CDON: variants seen among roughly 807,000 people sequenced by gnomAD.
The protein encoded by CDON is cell adhesion associated, oncogene regulated.
Under a neutral mutation model 120.9 loss-of-function variants are expected in CDON, and 73 were observed. That is an observed-to-expected ratio of 0.60 (90% CI 0.50 to 0.73). The LOEUF (loss-of-function observed/expected upper bound fraction) is 0.73, where lower values mean the gene tolerates loss of function less well. Ranked by LOEUF, CDON falls within the 30% of genes least tolerant of loss-of-function variation. The probability of loss-of-function intolerance (pLI) is 0.00; values close to 1 mark genes in which losing one functional copy is unlikely to be tolerated. For synonymous variants in CDON, 566 were observed against 573.5 expected (o/e 0.99, Z 0.19); for missense variants, 1,470 against 1,587.3 (o/e 0.93, Z 1.26).
intron 1 of CDON, among the ~76,000 whole-genome samples, chr11:126,025,382 G>A (rs1565538192): frequency 2.6e-5 from 4 of 152,088 alleles, no homozygotes; most frequent in South Asian, 4.1e-4. Context: ...AGACAAAAGC[G>A]TGATGGTAGT....
intron 1 of CDON, among the ~76,000 whole-genome samples, chr11:126,058,872 A>G (rs1206292757): frequency 6.6e-6 from 1 of 152,256 alleles, no homozygotes; most frequent in African/African-American, 2.4e-5. Context: ...CAAAGATTTT[A>G]CAGAATGTTT....
At chr11:125,968,500 T>C (rs949066091) in intron 18 of CDON, among the ~76,000 whole-genome samples, 1 of 152,140 alleles carries the variant, frequency 6.6e-6, no homozygotes, top group African/African-American at 2.4e-5. Context: ...GACACAGGTT[T>C]TATGGGGAGC....
At chr11:125,996,161 A>AACACAC (rs35536827) in intron 12 of CDON, among the ~76,000 whole-genome samples, 28 of 146,044 alleles carry the variant, frequency 1.9e-4, no homozygotes, top group South Asian at 4.5e-4. Flanking sequence ...GTCACAGCAA[A>AACACAC]ACACACACAC....
chr11:125,993,253 T>C lies in CDON; in HGVS notation c.2650+1031A>G, dbSNP rs558889341. The stretch of plus-strand genomic sequence containing the variant: ...AATTCAATACTGGCCACCTCACCAC[T>C]GTAGGGGCTGGACATAGCAGTGGGA... On this transcript the variant is annotated intron_variant, in intron 14 of 19. Coordinates refer to ENST00000531738, the MANE Select transcript of CDON (RefSeq NM_001378964.1). 1.9e-3 allele frequency among the ~76,000 whole-genome samples: 283 copies of C among 152,244 alleles called. 2 individuals are homozygous for C. The highest frequency in any genetic ancestry group is 4.0e-4 in the Non-Finnish European group (27 of 68,024).
rs148521488 is a variant in CDON, at chr11:126,019,334, C to T, written c.496+285G>A. Among the ~76,000 whole-genome samples the T allele has an allele frequency of 1.5e-3, 231 of 152,036 alleles. 2 individuals carry two copies. Among genetic ancestry groups the T allele is most frequent in the African/African-American group, 5.1e-3 (210 of 41,466 alleles). ...ATCAATTCTATAAAGAAAAGCAAAACGAAATAAAGGGGCCAGAGAGCACCA... is the reference window on the plus strand; with the variant it reads ...ATCAATTCTATAAAGAAAAGCAAAATGAAATAAAGGGGCCAGAGAGCACCA... On this transcript the variant is annotated intron_variant, in intron 4 of 19. Transcript: ENST00000531738.
At chr11:126,021,017 G>A (rs1049692893) in intron 3 of CDON, among the ~76,000 whole-genome samples, 14 of 151,534 alleles carry the variant, frequency 9.2e-5, no homozygotes, top group Admixed American at 4.6e-4. Context: ...TCCTAACTGC[G>A]TAACTTTAAA....
chr11:126,033,283 T>C (rs150704939), intron 1 of CDON, among the ~76,000 whole-genome samples: 12 of 152,068 alleles, frequency 7.9e-5, no homozygotes, highest in African/African-American at 2.7e-4. Context: ...GGTGTGGAGA[T>C]AACAAGAGGA....
intron 1 of CDON, among the ~76,000 whole-genome samples, chr11:126,051,574 C>T (rs1038879426): frequency 1.3e-5 from 2 of 152,128 alleles, no homozygotes; most frequent in East Asian, 3.8e-4. Flanking sequence ...AATTAAAACC[C>T]CCACTGCACC....
chr11:126,052,092 A>G (rs1184456012), intron 1 of CDON, among the ~76,000 whole-genome samples: 1 of 143,934 alleles, frequency 6.9e-6, no homozygotes, highest in Non-Finnish European at 1.5e-5. Flanking sequence ...CATGGGATTA[A>G]AACAAAACAA....
At chr11:126,010,289 CTAT>C in intron 8 of CDON, 49 bp downstream of exon 8, 1 of 1,217,182 alleles carries the variant, frequency 8.2e-7, no homozygotes, top group South Asian at 1.3e-5. Flanking sequence ...ACTTTATCTT[CTAT>C]TATAAAAGGA....
intron 1 of CDON, among the ~76,000 whole-genome samples, chr11:126,052,304 T>C (rs1053521321): frequency 2.6e-5 from 4 of 152,216 alleles, no homozygotes; most frequent in Non-Finnish European, 4.4e-5. Context: ...TTTACTTTTA[T>C]TGTAACCTTA....
In CDON at chr11:126,021,172, TC is replaced by T. The variant is rs1324805261; in HGVS notation, c.349+75del. 2.7e-6 allele frequency: 4 copies of T among 1,483,258 alleles called. No homozygotes were observed. In the Admixed American group the frequency reaches 7.1e-5, roughly 26 times the overall value. The allele number at this position is 1,483,258 out of a possible 1,614,324, so 91.9% of individuals were successfully genotyped here. ...GCTTTACACCAAAGCCCATGGTCTT[TC>T]CCCTCTTCAGAAATATAAGCACTAA... is the stretch of plus-strand genomic sequence containing the variant. On this transcript the variant is annotated intron_variant, in intron 3 of 19. Transcript: ENST00000531738.
chr11:125,996,411 T>G (rs192383070), intron 12 of CDON, among the ~76,000 whole-genome samples: 1 of 152,204 alleles, frequency 6.6e-6, no homozygotes, highest in African/African-American at 2.4e-5. Flanking sequence ...AAACAATATT[T>G]ATGGCACGAT....
intron 9 of CDON, among the ~76,000 whole-genome samples, chr11:126,004,891 C>T (rs1947066556): frequency 6.6e-6 from 1 of 152,172 alleles, no homozygotes; most frequent in African/African-American, 2.4e-5. Context: ...AGGAGCTTTT[C>T]CATTCTGCTC....
At chr11:125,992,360 C>CT (rs1231280540) in intron 14 of CDON, among the ~76,000 whole-genome samples, 1 of 152,122 alleles carries the variant, frequency 6.6e-6, no homozygotes, top group African/African-American at 2.4e-5. Context: ...TAAAAATAGG[C>CT]TTTTTACTGG....
intron 1 of CDON, among the ~76,000 whole-genome samples, chr11:126,031,489 A>G (rs1947944064): frequency 6.6e-6 from 1 of 152,230 alleles, no homozygotes; most frequent in African/African-American, 2.4e-5. Context: ...CACAGTTTTT[A>G]GACTTTACAC....
rs1457086626 is a variant in CDON, at chr11:125,959,653, A to G, written c.*1289T>C. ...AAACAAAAAAAAACCCTTTTCTTCC[A>G]AAGTAAGTCTTTTCTGACACTCACC... is the stretch of plus-strand genomic sequence containing the variant. On this transcript the variant is annotated 3_prime_UTR_variant, in exon 20 of 20. Coordinates refer to ENST00000531738, the MANE Select transcript of CDON (RefSeq NM_001378964.1). The G allele has an allele frequency of 6.6e-6, 1 of 152,154 alleles. No individual in the cohort carries two copies. The highest frequency in any genetic ancestry group is 2.4e-5 in the African/African-American group (1 of 41,442). The allele number at this position is 152,154 out of a possible 1,614,324, so 9.4% of individuals were successfully genotyped here. A position where few individuals can be genotyped will look rare whatever the true frequency, so the allele number is the denominator to read the frequency against.
At chr11:126,027,996 G>T (rs371210530) in intron 1 of CDON, among the ~76,000 whole-genome samples, 40 of 126,514 alleles carry the variant, frequency 3.2e-4, no homozygotes, top group African/African-American at 9.2e-4. Flanking sequence ...TTTACTTTAG[G>T]GTTACTTTTA....
chr11:126,014,115 C>T (rs895440459), intron 7 of CDON, among the ~76,000 whole-genome samples: 57 of 152,102 alleles, frequency 3.7e-4, no homozygotes, highest in African/African-American at 1.4e-3. Context: ...ACACTAATGT[C>T]AGAACATTTG....
Sources: allele counts gnomAD v4.1 joint callset (sites outside exome capture counted in the v4.1 genomes callset), GRCh38; gene constraint gnomAD v4.1.1; transcripts MANE v1.5; gene names NCBI Gene and HGNC (gene_info 2026-07-23, HGNC 2026-07-21).